Variants in ANKS6 observed in about 807,000 individuals in gnomAD.
The protein encoded by ANKS6 is ankyrin repeat and sterile alpha motif domain containing 6.
A neutral mutation model predicts 77.9 loss-of-function variants in ANKS6; 47 were observed. That is an observed-to-expected ratio of 0.60 (90% confidence interval 0.48 to 0.77). The LOEUF (loss-of-function observed/expected upper bound fraction) is 0.77. Ranked by LOEUF, ANKS6 falls within the 30% of genes least tolerant of loss-of-function variation. ANKS6 has a pLI of 0.00. For missense variants in ANKS6, 1,150 were observed against 1,159.1 expected (o/e 0.99, Z 0.11); for synonymous variants, 488 against 501.7 (o/e 0.97, Z 0.37).
At chr9:98,771,493 C>CCCCACAT (rs1353480433) in intron 9 of ANKS6, among the ~76,000 whole-genome samples, 2 of 152,186 alleles carry the variant, frequency 1.3e-5, no homozygotes, top group Non-Finnish European at 2.9e-5. Context: ...ATCTTCTCCT[C>CCCCACAT]CCCACATCCT....
rs188777293 is a variant in ANKS6, at chr9:98,768,868, G to A, written c.1973-618C>T. On this transcript the variant is annotated intron_variant, in intron 10 of 14. Transcript: ENST00000353234. ...AAAGGGGCCGGGTGCAGTGGCTCAC[G>A]CCTGTAATCCCAGCACTTTGGGAGG... Among the ~76,000 whole-genome samples the A allele has an allele frequency of 7.0e-3, 1,059 of 152,254 alleles. 11 individuals are homozygous for A. The highest frequency in any genetic ancestry group is 0.024 in the African/African-American group (992 of 41,548).
rs1183842778 is a variant in ANKS6, at chr9:98,732,201, C to T, written c.*4318G>A. On this transcript the variant is annotated 3_prime_UTR_variant, in exon 15 of 15. Transcript: ENST00000353234. ...TGCAGAATTCTCCCAGGAAGGGTCC[C>T]GGGCTCTTCAGGAGGCATTTACTTG... The T allele has an allele frequency of 1.6e-5, 7 of 425,406 alleles. No individual in the cohort carries two copies. Among genetic ancestry groups the T allele is most frequent in the East Asian group, 4.4e-5 (1 of 22,566 alleles). The allele number at this position is 425,406 out of a possible 1,614,324, so 26.4% of individuals were successfully genotyped here.
chr9:98,751,631 C>T (rs1305099431), intron 12 of ANKS6, among the ~76,000 whole-genome samples: 1 of 152,038 alleles, frequency 6.6e-6, no homozygotes, highest in Admixed American at 6.6e-5. Context: ...GCCACAAGGG[C>T]ACAAGAAGAT....
chr9:98,735,981 A>T lies in ANKS6; in HGVS notation c.*538T>A. On this transcript the variant is annotated 3_prime_UTR_variant, in exon 15 of 15. Transcript: ENST00000353234. The stretch of plus-strand genomic sequence containing the variant: ...AAGGGAAGATGTGCCAGGAAGGCTA[A>T]CCTCTCACCATAATACATACCCCCC... 1 of 1,224,466 alleles carries T rather than the reference A, an allele frequency of 8.2e-7. No individual in the cohort carries two copies. The highest frequency in any genetic ancestry group is 3.2e-5 in the East Asian group (1 of 31,016). 75.9% of individuals were successfully genotyped at this position (1,224,466 alleles called of 1,614,324 possible). A position where few individuals can be genotyped will look rare whatever the true frequency, so the allele number is the denominator to read the frequency against.
chr9:98,772,893 T>A (rs1833715657), intron 9 of ANKS6, among the ~76,000 whole-genome samples: 1 of 152,200 alleles, frequency 6.6e-6, no homozygotes, highest in African/African-American at 2.4e-5. Flanking sequence ...TCATGTTCTG[T>A]GCCTGTGTCT....
At chr9:98,764,775 G>A (rs1833182721) in intron 11 of ANKS6, among the ~76,000 whole-genome samples, 1 of 152,122 alleles carries the variant, frequency 6.6e-6, no homozygotes, top group Non-Finnish European at 1.5e-5. Flanking sequence ...CTTGCATGTT[G>A]TTTATACCTT....
chr9:98,752,598 A>G (rs545129672), intron 12 of ANKS6, among the ~76,000 whole-genome samples: 1 of 152,348 alleles, frequency 6.6e-6, no homozygotes, highest in South Asian at 2.1e-4. Context: ...CAGCCTGTAC[A>G]TGGATGACCC....
chr9:98,793,559 T>G (rs979865295), intron 1 of ANKS6, among the ~76,000 whole-genome samples: 2 of 152,082 alleles, frequency 1.3e-5, no homozygotes, highest in African/African-American at 2.4e-5. Flanking sequence ...TCTCGCTCTG[T>G]CGCCAGGCTG....
chr9:98,762,238 T>C (rs1488123984), intron 11 of ANKS6, among the ~76,000 whole-genome samples: 1 of 152,230 alleles, frequency 6.6e-6, no homozygotes, highest in Middle Eastern at 3.2e-3. Context: ...ATTACTACTG[T>C]AGAGAAATAC....
chr9:98,749,930 C>T (rs965834005), intron 13 of ANKS6, among the ~76,000 whole-genome samples: 7 of 152,206 alleles, frequency 4.6e-5, no homozygotes, highest in African/African-American at 4.8e-5. Context: ...ACGTTCTAAA[C>T]CAGTGATTAT....
At chr9:98,768,316 G>T in intron 10 of ANKS6, 66 bp from the exon 11 acceptor site, 1 of 1,586,276 alleles carries the variant, frequency 6.3e-7, no homozygotes, top group Non-Finnish European at 8.6e-7. Context: ...AAGGGTGGTG[G>T]ACTGTCGTGT....
At position 98,784,078 on chromosome 9, in the gene ANKS6, T is replaced by C; in HGVS notation, c.987A>G (p.Pro329=). The C allele has an allele frequency of 6.2e-7, 1 of 1,609,338 alleles. No homozygotes were observed. The highest frequency in any genetic ancestry group is 1.1e-5 in the South Asian group (1 of 89,970). ...VNLVNGDGAT[P]LMLAAVTGQL... ...GCCCCGTAACAGCTGCTAGCATCAG[T>C]GGCGTCGCCCCGTCCCCATTGACCA... Residue 329 remains proline (P), a synonymous_variant, in exon 4 of 15, where the codon CCA becomes CCG. Coordinates refer to ENST00000353234, the MANE Select transcript of ANKS6 (RefSeq NM_173551.5).
chr9:98,790,307 G>A lies in ANKS6; in HGVS notation c.659C>T (p.Ala220Val), dbSNP rs954084503. The part of the protein sequence containing the change: ...LMEWGADPNH[A>V]ARTVGWSPLM... ...CGGGCTCCAGCCCACGGTCCGGGCTGCGTGGTTGGGGTCCGCGCCCCACTC... is the reference window on the plus strand; with the variant it reads ...CGGGCTCCAGCCCACGGTCCGGGCTACGTGGTTGGGGTCCGCGCCCCACTC... The change falls in exon 2 of 15, where the codon GCA becomes GTA. Residue 220 changes from alanine (A) to valine (V), a missense_variant. Coordinates refer to ENST00000353234, the MANE Select transcript of ANKS6 (RefSeq NM_173551.5). 3 of 1,607,102 alleles carry A rather than the reference G, an allele frequency of 1.9e-6. No homozygotes were observed. Among genetic ancestry groups the A allele is most frequent in the African/African-American group, 2.7e-5 (2 of 74,854 alleles).
At chr9:98,770,855 G>A (rs1293274991) in intron 10 of ANKS6, 41 bp downstream of exon 10, 2 of 1,376,414 alleles carry the variant, frequency 1.5e-6, no homozygotes. Flanking sequence ...AGTCCCAAGG[G>A]ATCACCCCAC....
At position 98,751,086 on chromosome 9, in the gene ANKS6, A is replaced by G. The variant is rs1035454827; in HGVS notation, c.2337T>C (p.Thr779=). 2 of 1,609,408 alleles carry G rather than the reference A, an allele frequency of 1.2e-6. No individual in the cohort carries two copies. The highest frequency in any genetic ancestry group is 2.7e-5 in the African/African-American group (2 of 74,796). The change falls in exon 13 of 15, where the codon ACT becomes ACC. Residue 779 remains threonine, a synonymous_variant. Transcript: ENST00000353234. ...CAAGTGATAATTTCTTAAGGATTCC[A>G]GTCAGTTCATCTTCAAGATGGAAAG... ...SGTITDEDEL[T]GILKKLSLEK...
chr9:98,740,195 G>C (rs1488740189), intron 14 of ANKS6, among the ~76,000 whole-genome samples: 1 of 152,102 alleles, frequency 6.6e-6, no homozygotes, highest in African/African-American at 2.4e-5. Flanking sequence ...GCCCAGAGGG[G>C]CCCCTCTCCA....
chr9:98,790,443 G>T lies in ANKS6; in HGVS notation c.523C>A (p.Pro175Thr), dbSNP rs1300867050. 3 of 1,613,704 alleles carry T rather than the reference G, an allele frequency of 1.9e-6. No individual in the cohort carries two copies. Among genetic ancestry groups the T allele is most frequent in the East Asian group, 2.2e-5 (1 of 44,878 alleles). ...CCCAACCCCAGTTGCTCGCCTGAAG[G>T]GTGGTGATGGTCCACAAAGGCACCG... Reference protein sequence around the residue: ...EAGAFVDHHHPSGEQLGLGGS... With the variant: ...EAGAFVDHHHTSGEQLGLGGS... The change falls in exon 2 of 15, where the codon CCT (proline) becomes ACT (threonine). Residue 175 changes from proline (P) to threonine (T), a missense_variant. Physicochemically the swap from Pro to Thr is conservative, Grantham distance 38. Coordinates refer to ENST00000353234, the MANE Select transcript of ANKS6 (RefSeq NM_173551.5).
rs1221087835 is a variant in ANKS6 at position 98,736,338 on chromosome 9, T to G, written c.*181A>C. The G allele has an allele frequency of 2.8e-6, 4 of 1,421,738 alleles. 1 individual carries two copies. The Admixed American group carries it at 1.2e-4, about 42-fold the overall frequency. 88.1% of individuals were successfully genotyped at this position (1,421,738 alleles called of 1,614,324 possible). On this transcript the variant is annotated 3_prime_UTR_variant, in exon 15 of 15. Transcript: ENST00000353234. ...TACATGGGAATCTGTCTCTGTGTGT[T>G]GAAGTTTGTTGCAGCAAGAAGTACT...
At position 98,778,438 on chromosome 9, in the gene ANKS6, G is replaced by A. The variant is rs373501074; in HGVS notation, c.1369-14C>T. 57 of 1,612,734 alleles carry A rather than the reference G, an allele frequency of 3.5e-5. No individual in the cohort carries two copies. The highest frequency in any genetic ancestry group is 4.3e-5 in the Non-Finnish European group (51 of 1,179,484). ...GTTCCACCAGGACTGCCAAAGGAAC[G>A]CAGAGCAGAAGTCATGCTCCAGGAA... On this transcript the variant is annotated splice_polypyrimidine_tract_variant and intron_variant, in intron 6 of 14. Coordinates refer to ENST00000353234, the MANE Select transcript of ANKS6 (RefSeq NM_173551.5).
Sources: gnomAD v4.1 joint callset for allele counts (sites outside exome capture counted in the v4.1 genomes callset) on GRCh38, gnomAD v4.1.1 for gene constraint, MANE v1.5 for transcripts, NCBI Gene and HGNC (gene_info 2026-07-23, HGNC 2026-07-21) for gene names.